Variants in PIK3R2 observed in about 807,000 individuals in gnomAD.
The protein encoded by PIK3R2 is phosphatidylinositol 3-kinase regulatory subunit beta.
PIK3R2 carries 40 observed loss-of-function variants against 78.5 expected under a neutral mutation model. The ratio of observed to expected loss-of-function variants is 0.51; its 90% CI spans 0.40 to 0.66. The LOEUF is 0.66. Among genes scored for constraint, PIK3R2 ranks in the 30% least tolerant of loss-of-function variants. The pLI is 0.00. For synonymous variants in PIK3R2, 473 were observed against 457.7 expected (o/e 1.03, Z -0.43); for missense variants, 880 against 1,026.6 (o/e 0.86, Z 1.95).
Position 18,162,744 on chromosome 19 carries a change from G to T in PIK3R2, c.1110-223G>T, listed in dbSNP as rs2043763583. On this transcript the variant is annotated intron_variant, in intron 9 of 15. Transcript: ENST00000222254. ...ACTAAAAAATTAAAAAAAAAAATTA[G>T]CCAGGCATGGTGATGGATGCCTGTA... 3 of 600,350 alleles carry T rather than the reference G, an allele frequency of 5.0e-6. No individual in the cohort carries two copies. The South Asian group carries it at 6.2e-5, about 12-fold the overall frequency. 37.2% of individuals were successfully genotyped at this position (600,350 alleles called of 1,614,324 possible). A position where few individuals can be genotyped will look rare whatever the true frequency, so the allele number is the denominator to read the frequency against.
At position 18,162,487 on chromosome 19, in the gene PIK3R2, G is replaced by A. The variant is rs1470167636; in HGVS notation, c.1090G>A (p.Glu364Lys). ...AGATGCTTCTAGCAAGATCCAGGGC[G>A]AGTACACGCTGACCCTCAGGTGGGG... Reference protein sequence around the residue: ...VRDASSKIQGEYTLTLRKGGN... With the variant: ...VRDASSKIQGKYTLTLRKGGN... The change falls in exon 9 of 16, where the codon GAG becomes AAG. Residue 364 changes from glutamate to lysine, a missense_variant. Transcript: ENST00000222254. The A allele has an allele frequency of 1.9e-6, 3 of 1,613,272 alleles. No individual in the cohort carries two copies. The highest frequency in any genetic ancestry group is 2.5e-6 in the Non-Finnish European group (3 of 1,179,944).
rs1228577611 is a variant in PIK3R2, at chr19:18,168,378, T to C, written c.1737-97T>C. The C allele has an allele frequency of 1.4e-5, 10 of 712,582 alleles. No individual in the cohort carries two copies. Among genetic ancestry groups the C allele is most frequent in the African/African-American group, 8.7e-5 (5 of 57,278 alleles). 44.1% of individuals were successfully genotyped at this position (712,582 alleles called of 1,614,324 possible). ...ACCGGAGATATTGTACCCAGAACCC[T>C]CTCTCCTCAGCCAGACCCTGCCTCC... On this transcript the variant is annotated intron_variant, in intron 13 of 15. Coordinates refer to ENST00000222254, the MANE Select transcript of PIK3R2 (RefSeq NM_005027.4). The surrounding 1 kb of genome is among the most constrained non-coding windows in gnomAD (Gnocchi z 4.1).
Position 18,168,996 on chromosome 19 carries a change from C to CA in PIK3R2, c.1980-90dup, listed in dbSNP as rs1427392766. ...CTTGGGAAGGAGTCCCTGGTGGGGT[C>CA]ATCCGGGACAGGGGAGCACGCGGCC... On this transcript the variant is annotated intron_variant, in intron 15 of 15. Transcript: ENST00000222254. This position sits in a 1 kb window ranked among gnomAD's most constrained non-coding sequence, Gnocchi z 4.1. 69 of 1,553,996 alleles carry CA rather than the reference C, an allele frequency of 4.4e-5. 1 individual carries two copies. The South Asian group carries it at 7.5e-4, about 17-fold the overall frequency.
intron 3 of PIK3R2, 37 bp from the exon 4 acceptor site, chr19:18,160,882 A>G (rs2043734345): frequency 6.3e-7 from 1 of 1,588,434 alleles, no homozygotes; most frequent in Admixed American, 1.8e-5. Context: ...TCGGGGCAGC[A>G]TTTGAGAGCT....
At position 18,156,010 on chromosome 19, in the gene PIK3R2, C is replaced by T. The variant is rs2043675164; in HGVS notation, c.131C>T (p.Ala44Val). 1 of 1,558,296 alleles carries T rather than the reference C, an allele frequency of 6.4e-7. No individual in the cohort carries two copies. The highest frequency in any genetic ancestry group is 8.7e-7 in the Non-Finnish European group (1 of 1,151,462). The change falls in exon 2 of 16, where the codon GCC becomes GTC. Residue 44 changes from alanine to valine, a missense_variant. Around this residue, in one of 3 missense-constraint regions of PIK3R2, gnomAD observed 456 missense variants for 486.6 expected, o/e 0.94. Coordinates refer to ENST00000222254, the MANE Select transcript of PIK3R2 (RefSeq NM_005027.4). This position sits in a 1 kb window ranked among gnomAD's most constrained non-coding sequence, Gnocchi z 4.2. The part of the protein sequence containing the change: ...SRAALQALGV[A>V]EGGERCPQSV... ...GCGGCCTTGCAGGCGCTGGGCGTGG[C>T]CGAGGGTGGCGAGCGCTGCCCACAG...
chr19:18,169,493 C>T lies in PIK3R2; in HGVS notation c.*199C>T, dbSNP rs573247953. Reference sequence around the variant, plus strand: ...CAGATCTCCCTCTGTCTCCTTTTCTCTGTCTTTCTTGGCCCCTGTCTCTCT... The same window carrying T: ...CAGATCTCCCTCTGTCTCCTTTTCTTTGTCTTTCTTGGCCCCTGTCTCTCT... On this transcript the variant is annotated 3_prime_UTR_variant, in exon 16 of 16. Transcript: ENST00000222254. 3.6e-4 allele frequency: 128 copies of T among 350,986 alleles called. 1 individual carries two copies. In the Admixed American group the frequency reaches 5.4e-3, roughly 15 times the overall value. 21.7% of individuals were successfully genotyped at this position (350,986 alleles called of 1,614,324 possible). A position where few individuals can be genotyped will look rare whatever the true frequency, so the allele number is the denominator to read the frequency against.
At chr19:18,166,012 A>T (rs1035746050) in intron 11 of PIK3R2, 148 bp from the exon 12 acceptor site, 4 of 999,710 alleles carry the variant, frequency 4.0e-6, no homozygotes, top group South Asian at 1.3e-5. Flanking sequence ...ATAGGAGTTC[A>T]TTTGGTGCAG....
chr19:18,160,414 G>A, intron 2 of PIK3R2, 57 bp from the exon 3 acceptor site: 3 of 1,054,052 alleles, frequency 2.8e-6, no homozygotes, highest in Middle Eastern at 2.0e-4. Context: ...CAAAGAGAGG[G>A]GCTGGGCTCC....
At position 18,167,018 on chromosome 19, in the gene PIK3R2, C is replaced by G; in HGVS notation, c.1560-112C>G. The G allele has an allele frequency of 1.2e-6, 1 of 825,172 alleles. No homozygotes were observed. The highest frequency in any genetic ancestry group is 1.8e-6 in the Non-Finnish European group (1 of 547,928). The allele number at this position is 825,172 out of a possible 1,614,324, so 51.1% of individuals were successfully genotyped here. A position where few individuals can be genotyped will look rare whatever the true frequency, so the allele number is the denominator to read the frequency against. ...AGACATGGTGGTGCACACCTGTGGT[C>G]CCAGCTACTCGGGAGGCTGAGGTAG... is the stretch of plus-strand genomic sequence containing the variant. On this transcript the variant is annotated intron_variant, in intron 12 of 15. Transcript: ENST00000222254. This position sits in a 1 kb window ranked among gnomAD's most constrained non-coding sequence, Gnocchi z 4.5.
intron 7 of PIK3R2, 72 bp from the exon 8 acceptor site, chr19:18,162,130 G>A: frequency 6.7e-7 from 1 of 1,499,698 alleles, no homozygotes. Context: ...GGCATCAGCA[G>A]GCTGGTTGCA....
At chr19:18,160,641 C>A in intron 3 of PIK3R2, 78 bp downstream of exon 3, 3 of 1,149,542 alleles carry the variant, frequency 2.6e-6, no homozygotes, top group South Asian at 1.3e-5. Flanking sequence ...TCTCACAGGG[C>A]CTCCAAGCTC....
At position 18,163,047 on chromosome 19, in the gene PIK3R2, C is replaced by T. The variant is rs2147953053; in HGVS notation, c.1190C>T (p.Ser397Phe). 1 of 1,613,872 alleles carries T rather than the reference C, an allele frequency of 6.2e-7. No homozygotes were observed. Among genetic ancestry groups the T allele is most frequent in the Non-Finnish European group, 8.5e-7 (1 of 1,179,962 alleles). Residue 397 changes from serine to phenylalanine, a missense_variant, in exon 10 of 16, where the codon TCC becomes TTC. Transcript: ENST00000222254. ...YGFSEPLTFC[S>F]VVDLINHYRH... Reference sequence around the variant, plus strand: ...TTCTCAGAGCCACTCACCTTCTGCTCCGTTGTGGACCTCATCAATCACTAC... The same window carrying T: ...TTCTCAGAGCCACTCACCTTCTGCTTCGTTGTGGACCTCATCAATCACTAC...
Position 18,168,978 on chromosome 19 carries a change from A to T in PIK3R2, c.1979+82A>T. ...GCCTGCCGCGTGCCAGGCCTTGGGA[A>T]GGAGTCCCTGGTGGGGTCATCCGGG... On this transcript the variant is annotated intron_variant, in intron 15 of 15. Coordinates refer to ENST00000222254, the MANE Select transcript of PIK3R2 (RefSeq NM_005027.4). This position sits in a 1 kb window ranked among gnomAD's most constrained non-coding sequence, Gnocchi z 4.1. 1 of 1,559,974 alleles carries T rather than the reference A, an allele frequency of 6.4e-7. No individual in the cohort carries two copies. Among genetic ancestry groups the T allele is most frequent in the South Asian group, 1.1e-5 (1 of 87,392 alleles).
chr19:18,166,130 G>A (rs2147956362), intron 11 of PIK3R2, 30 bp from the exon 12 acceptor site: 1 of 1,613,478 alleles, frequency 6.2e-7, no homozygotes, highest in East Asian at 2.2e-5. Context: ...GGGAGTCCCA[G>A]GAGGTGCTGA....
Position 18,168,418 on chromosome 19 carries a change from A to T in PIK3R2, c.1737-57A>T, listed in dbSNP as rs2043829776. On this transcript the variant is annotated intron_variant, in intron 13 of 15. Transcript: ENST00000222254. This position sits in a 1 kb window ranked among gnomAD's most constrained non-coding sequence, Gnocchi z 4.1. The stretch of plus-strand genomic sequence containing the variant: ...ACCCTGCCTCCCACCGGACAGGCCC[A>T]CTGTGGGCTCAGCACCCACACAACT... 1.3e-6 allele frequency: 1 copy of T among 760,708 alleles called. No homozygotes were observed. Among genetic ancestry groups the T allele is most frequent in the South Asian group, 1.4e-5 (1 of 72,348 alleles). 47.1% of individuals were successfully genotyped at this position (760,708 alleles called of 1,614,324 possible).
At chr19:18,158,520 A>AAAC (rs1299371815) in intron 2 of PIK3R2, among the ~76,000 whole-genome samples, 1 of 151,338 alleles carries the variant, frequency 6.6e-6, no homozygotes, top group Non-Finnish European at 1.5e-5. Flanking sequence ...CAACAACAAA[A>AAAC]AACGAGGAGG....
chr19:18,160,760 C>A, intron 3 of PIK3R2, 159 bp from the exon 4 acceptor site: 1 of 954,964 alleles, frequency 1.0e-6, no homozygotes, highest in Non-Finnish European at 1.6e-6. Flanking sequence ...CAGGCCACTG[C>A]ATGTGCTGTG....
At position 18,169,216 on chromosome 19, in the gene PIK3R2, G is replaced by A; in HGVS notation, c.2109G>A (p.Gln703=). The A allele has an allele frequency of 6.2e-7, 1 of 1,601,222 alleles. No individual in the cohort carries two copies. The highest frequency in any genetic ancestry group is 1.1e-5 in the South Asian group (1 of 90,766). The change falls in exon 16 of 16, where the codon CAG becomes CAA. Residue 703 remains glutamine, a synonymous_variant. Coordinates refer to ENST00000222254, the MANE Select transcript of PIK3R2 (RefSeq NM_005027.4). ...VLHYQHASLV[Q]HNDALTVTLA... ...ACTACCAGCACGCCTCGCTGGTGCA[G>A]CACAACGACGCGCTCACCGTCACCC...
rs1967159519 is a variant in PIK3R2, at chr19:18,170,410, CTT to C, written c.*1119_*1120del. The C allele has an allele frequency of 6.6e-6, 1 of 152,162 alleles. No homozygotes were observed. The highest frequency in any genetic ancestry group is 1.5e-5 in the Non-Finnish European group (1 of 68,022). The allele number at this position is 152,162 out of a possible 1,614,324, so 9.4% of individuals were successfully genotyped here. On this transcript the variant is annotated 3_prime_UTR_variant, in exon 16 of 16. Transcript: ENST00000222254. ...ACTGCAAAACCCTCTTTCCTCTCCT[CTT>C]TTGGGACAAGAGCCCTGGTTTTCTA...
Sources: allele counts gnomAD v4.1 joint callset (sites outside exome capture counted in the v4.1 genomes callset), GRCh38; gene constraint gnomAD v4.1.1; regional missense constraint gnomAD v4.1.1; non-coding constraint Gnocchi (gnomAD v3.1); transcripts MANE v1.5; gene names NCBI Gene and HGNC (gene_info 2026-07-23, HGNC 2026-07-21).